PATJ: variants seen among roughly 807,000 people sequenced by gnomAD.
The protein encoded by PATJ is PATJ crumbs cell polarity complex component, also known as inaD-like protein.
In PATJ, 190 loss-of-function variants were observed where a neutral mutation model predicts 224.9. That is an observed-to-expected ratio of 0.84 (90% confidence interval 0.75 to 0.95). PATJ has a LOEUF of 0.95. Among genes scored for constraint, PATJ ranks in the 40% least tolerant of loss-of-function variants. The pLI, the probability that PATJ is intolerant of heterozygous loss-of-function variation, is 0.00. For missense variants in PATJ, 2,121 were observed against 2,270.3 expected (o/e 0.93, Z 1.34); for synonymous variants, 769 against 820.3 (o/e 0.94, Z 1.07).
At chr1:62,120,677 T>A (rs1337577388) in intron 37 of PATJ, among the ~76,000 whole-genome samples, 1 of 152,252 alleles carries the variant, frequency 6.6e-6, no homozygotes, top group Non-Finnish European at 1.5e-5. Flanking sequence ...AACAAGTCTT[T>A]TTCCCTTCAG....
chr1:61,800,948 A>G (rs1012760544), intron 11 of PATJ, among the ~76,000 whole-genome samples: 7 of 152,120 alleles, frequency 4.6e-5, no homozygotes, highest in Non-Finnish European at 7.3e-5. Flanking sequence ...CATCGTGTAT[A>G]TGTGCCACAT....
rs1432307276 is a variant in PATJ at position 61,864,224 on chromosome 1, T to C, written c.2440-14T>C. ...AGGCGTAACTTCACATTTTTTTGCA[T>C]CTTTTATTTATAGGGATTTAGAGAT... On this transcript the variant is annotated splice_polypyrimidine_tract_variant and intron_variant, in intron 19 of 43. Transcript: ENST00000642238. 1.3e-6 allele frequency: 2 copies of C among 1,585,514 alleles called. No homozygotes were observed. The highest frequency in any genetic ancestry group is 1.7e-6 in the Non-Finnish European group (2 of 1,167,076).
At chr1:62,053,997 G>A (rs571944029) in intron 31 of PATJ, among the ~76,000 whole-genome samples, 86 of 152,270 alleles carry the variant, frequency 5.6e-4, no homozygotes, top group Non-Finnish European at 1.0e-3. Flanking sequence ...GTTGGAGGGG[G>A]AAGGAAGATA....
At chr1:62,038,835 G>T in intron 30 of PATJ, 2 of 701,010 alleles carry the variant, frequency 2.9e-6, no homozygotes, top group Admixed American at 1.8e-5. Flanking sequence ...GGTGGACGGT[G>T]GGTGGGATGG....
intron 41 of PATJ, among the ~76,000 whole-genome samples, chr1:62,144,080 G>A (rs1436504693): frequency 6.6e-6 from 1 of 152,206 alleles, no homozygotes; most frequent in Non-Finnish European, 1.5e-5. Context: ...CTGGTGCTAA[G>A]AGGAGAGACT....
At chr1:62,029,784 T>G (rs1017521386) in intron 29 of PATJ, among the ~76,000 whole-genome samples, 3 of 152,038 alleles carry the variant, frequency 2.0e-5, no homozygotes, top group Non-Finnish European at 4.4e-5. Flanking sequence ...AAGAACTGAG[T>G]CCAAATGGCA....
At chr1:61,797,172 C>A in intron 10 of PATJ, 115 bp from the exon 11 acceptor site, 1 of 1,221,886 alleles carries the variant, frequency 8.2e-7, no homozygotes, top group Non-Finnish European at 1.2e-6. Context: ...CCACACCCGG[C>A]CTAAATAATT....
chr1:61,865,782 C>G (rs528235799), intron 20 of PATJ, among the ~76,000 whole-genome samples: 1 of 152,192 alleles, frequency 6.6e-6, no homozygotes, highest in Admixed American at 6.5e-5. Flanking sequence ...CAGCGTGTTG[C>G]TTCCCTCTCT....
intron 28 of PATJ, among the ~76,000 whole-genome samples, chr1:61,992,766 A>T (rs1195882998): frequency 1.3e-5 from 2 of 152,226 alleles, no homozygotes; most frequent in African/African-American, 4.8e-5. Flanking sequence ...TTTACAGGTC[A>T]AACACAAAAT....
At chr1:61,777,189 A>G (rs1646963113) in intron 7 of PATJ, among the ~76,000 whole-genome samples, 1 of 152,244 alleles carries the variant, frequency 6.6e-6, no homozygotes, top group Non-Finnish European at 1.5e-5. Flanking sequence ...GTTAGCAACA[A>G]TAAAATTTGA....
Position 61,752,428 on chromosome 1 carries a change from C to T in PATJ, c.-36+9873C>T, listed in dbSNP as rs112718435. 2.2e-3 allele frequency among the ~76,000 whole-genome samples: 330 copies of T among 151,242 alleles called. 2 individuals carry two copies. Among genetic ancestry groups the T allele is most frequent in the African/African-American group, 7.6e-3 (314 of 41,248 alleles). ...TCCCAGGTTCAAGCGATTCTTCTGCCTCAGACTCCTGAGTAGCTGGGATTA... is the reference window on the plus strand; with the variant it reads ...TCCCAGGTTCAAGCGATTCTTCTGCTTCAGACTCCTGAGTAGCTGGGATTA... On this transcript the variant is annotated intron_variant, in intron 1 of 43. Transcript: ENST00000642238.
chr1:62,000,426 C>T, intron 28 of PATJ, among the ~76,000 whole-genome samples: 1 of 144,778 alleles, frequency 6.9e-6, no homozygotes, highest in East Asian at 2.1e-4. Flanking sequence ...CAATTCCCAT[C>T]TATGAGTGAG....
intron 17 of PATJ, among the ~76,000 whole-genome samples, chr1:61,847,195 A>G (rs1048387253): frequency 6.6e-6 from 1 of 152,256 alleles, no homozygotes; most frequent in East Asian, 1.9e-4. Flanking sequence ...AGTGATTTCC[A>G]TGGGACTCCT....
intron 28 of PATJ, among the ~76,000 whole-genome samples, chr1:62,002,440 C>G (rs1184316646): frequency 6.6e-6 from 1 of 152,150 alleles, no homozygotes; most frequent in Non-Finnish European, 1.5e-5. Context: ...GGCGCAGTGG[C>G]TCACACCTGT....
chr1:62,002,733 AAGAG>A (rs1553238285), intron 28 of PATJ, among the ~76,000 whole-genome samples: 4 of 130,672 alleles, frequency 3.1e-5, no homozygotes, highest in East Asian at 4.3e-4. Flanking sequence ...AAAAAAAAAA[AAGAG>A]AGAGAGAAAC....
At chr1:62,129,415 A>C (rs1666048406) in intron 41 of PATJ, among the ~76,000 whole-genome samples, 1 of 152,182 alleles carries the variant, frequency 6.6e-6, no homozygotes, top group Non-Finnish European at 1.5e-5. Context: ...CAAGGCAGAC[A>C]ATTGTTTATC....
intron 24 of PATJ, among the ~76,000 whole-genome samples, chr1:61,903,162 A>T (rs1161059935): frequency 2.6e-5 from 4 of 152,218 alleles, no homozygotes; most frequent in Non-Finnish European, 5.9e-5. Context: ...TCAAAGGAGT[A>T]TTCTGGCTTC....
At chr1:62,032,269 C>T (rs867323354) in intron 29 of PATJ, among the ~76,000 whole-genome samples, 1 of 152,088 alleles carries the variant, frequency 6.6e-6, no homozygotes, top group Non-Finnish European at 1.5e-5. Flanking sequence ...TCAGGAAGCC[C>T]CCTCCATCCT....
At chr1:62,044,597 A>T (rs529199730) in intron 30 of PATJ, among the ~76,000 whole-genome samples, 1 of 152,218 alleles carries the variant, frequency 6.6e-6, no homozygotes, top group South Asian at 2.1e-4. Context: ...GAATATCTTC[A>T]ATACAAACAA....
Sources: gnomAD v4.1 joint callset for allele counts (sites outside exome capture counted in the v4.1 genomes callset) on GRCh38, gnomAD v4.1.1 for gene constraint, MANE v1.5 for transcripts, NCBI Gene and HGNC (gene_info 2026-07-23, HGNC 2026-07-21) for gene names.